PGD: variants seen among roughly 807,000 people sequenced by gnomAD.
The protein encoded by PGD is phosphogluconate dehydrogenase.
A neutral mutation model predicts 60.4 loss-of-function variants in PGD; 21 were observed. That is an observed-to-expected ratio of 0.35 (90% CI 0.25 to 0.50). PGD has a LOEUF of 0.50. Ranked by LOEUF, PGD falls within the 20% of genes least tolerant of loss-of-function variation. PGD has a pLI of 0.98. For missense variants in PGD, 477 were observed against 613.1 expected (o/e 0.78, Z 2.34); for synonymous variants, 230 against 235.9 (o/e 0.97, Z 0.23).
intron 7 of PGD, among the ~76,000 whole-genome samples, chr1:10,412,240 C>T (rs1400118086): frequency 2.0e-5 from 3 of 152,182 alleles, no homozygotes; most frequent in Admixed American, 1.3e-4. Flanking sequence ...TTCATTCACC[C>T]GCCATTTTTT....
chr1:10,418,355 C>T (rs867869911), intron 10 of PGD, among the ~76,000 whole-genome samples: 2 of 152,126 alleles, frequency 1.3e-5, no homozygotes, highest in Non-Finnish European at 2.9e-5. Context: ...ATTAAATGAG[C>T]GCTGGCAGCG....
At position 10,399,636 on chromosome 1, in the gene PGD, A is replaced by G. The variant is rs943649623; in HGVS notation, c.16A>G (p.Ile6Val). 3 of 1,613,740 alleles carry G rather than the reference A, an allele frequency of 1.9e-6. No homozygotes were observed. Among genetic ancestry groups the G allele is most frequent in the South Asian group, 1.1e-5 (1 of 91,092 alleles). The change falls in exon 2 of 13, where the codon ATC becomes GTC. Residue 6 changes from isoleucine (I) to valine (V), a missense_variant. Coordinates refer to ENST00000270776, the MANE Select transcript of PGD (RefSeq NM_002631.4). ...CTGTTTCTGCCTCTCTAGAGCTGAC[A>G]TCGCGCTGATCGGATTGGCCGTCAT... MAQAD[I>V]ALIGLAVMGQ...
At chr1:10,410,536 C>T (rs1315737671) in intron 6 of PGD, among the ~76,000 whole-genome samples, 1 of 151,990 alleles carries the variant, frequency 6.6e-6, no homozygotes, top group Non-Finnish European at 1.5e-5. Flanking sequence ...GAGAGACTGC[C>T]CAGGTCATCC....
intron 3 of PGD, among the ~76,000 whole-genome samples, chr1:10,402,774 C>T (rs990187580): frequency 7.2e-5 from 11 of 151,944 alleles, no homozygotes; most frequent in African/African-American, 2.7e-4. Flanking sequence ...CCACCCACCT[C>T]GGCCTCCCAA....
chr1:10,404,709 T>G (rs544456559), intron 5 of PGD, among the ~76,000 whole-genome samples: 1 of 152,184 alleles, frequency 6.6e-6, no homozygotes, highest in East Asian at 1.9e-4. Flanking sequence ...CATGTTACCT[T>G]GGGTGGTCTC....
Position 10,419,806 on chromosome 1 carries a change from C to T in PGD, c.*57C>T. On this transcript the variant is annotated 3_prime_UTR_variant, in exon 13 of 13. Transcript: ENST00000270776. ...ACAGACCAGGACATTCCATGTGCCT[C>T]ATGGCACTGCCACCTGGCCCTTTGC... The T allele has an allele frequency of 6.3e-7, 1 of 1,594,508 alleles. No homozygotes were observed. Among genetic ancestry groups the T allele is most frequent in the Non-Finnish European group, 8.6e-7 (1 of 1,164,836 alleles).
intron 8 of PGD, among the ~76,000 whole-genome samples, chr1:10,413,559 A>G (rs1046122322): frequency 6.6e-6 from 1 of 152,168 alleles, no homozygotes; most frequent in African/African-American, 2.4e-5. Context: ...TCAGTGATCT[A>G]AGATTTTATT....
At chr1:10,408,164 A>T in intron 6 of PGD, 24 bp downstream of exon 6, 1 of 1,410,992 alleles carries the variant, frequency 7.1e-7, no homozygotes, top group Non-Finnish European at 1.0e-6. Flanking sequence ...TACTCTTTAA[A>T]GCCAATTGGC....
chr1:10,408,242 G>A (rs1161352875), intron 6 of PGD, 102 bp downstream of exon 6: 4 of 751,098 alleles, frequency 5.3e-6, no homozygotes, highest in Non-Finnish European at 9.8e-6. Flanking sequence ...GGGTTAGCTT[G>A]GTGACATAAA....
Position 10,417,514 on chromosome 1 carries a change from G to A in PGD, c.1109+5G>A, listed in dbSNP as rs1465030893. On this transcript the variant is annotated splice_donor_5th_base_variant and intron_variant, in intron 10 of 12. Transcript: ENST00000270776. ...AGGGGGCTGCATCATTAGAAGGTAA[G>A]TGAGAGGCAGCCCAGGGTCCGACGG... 3.7e-6 allele frequency: 6 copies of A among 1,605,862 alleles called. No homozygotes were observed. The highest frequency in any genetic ancestry group is 5.1e-6 in the Non-Finnish European group (6 of 1,175,750).
At chr1:10,414,829 A>T (rs1639567669) in intron 8 of PGD, among the ~76,000 whole-genome samples, 1 of 151,368 alleles carries the variant, frequency 6.6e-6, no homozygotes, top group African/African-American at 2.4e-5. Context: ...GCGGTGGCTC[A>T]CGCCTGTAAT....
Position 10,419,962 on chromosome 1 carries a change from G to C in PGD, c.*213G>C. ...TGCCTCTTGGGACTGACCAGGAGCTGCTCATGTGCGTGAGAGTGGGAACCA... is the reference window on the plus strand; with the variant it reads ...TGCCTCTTGGGACTGACCAGGAGCTCCTCATGTGCGTGAGAGTGGGAACCA... On this transcript the variant is annotated 3_prime_UTR_variant, in exon 13 of 13. Transcript: ENST00000270776. 1 of 560,456 alleles carries C rather than the reference G, an allele frequency of 1.8e-6. No individual in the cohort carries two copies. The highest frequency in any genetic ancestry group is 3.2e-6 in the Non-Finnish European group (1 of 315,834). 34.7% of individuals were successfully genotyped at this position (560,456 alleles called of 1,614,324 possible). A position where few individuals can be genotyped will look rare whatever the true frequency, so the allele number is the denominator to read the frequency against.
rs111982342 is a variant in PGD at position 10,418,689 on chromosome 1, C to T, written c.1110-137C>T. 5.0e-5 allele frequency: 28 copies of T among 564,816 alleles called. 2 individuals carry two copies. Among genetic ancestry groups the T allele is most frequent in the East Asian group, 4.5e-4 (14 of 30,864 alleles). 35.0% of individuals were successfully genotyped at this position (564,816 alleles called of 1,614,324 possible). A position where few individuals can be genotyped will look rare whatever the true frequency, so the allele number is the denominator to read the frequency against. On this transcript the variant is annotated intron_variant, in intron 10 of 12. Transcript: ENST00000270776. ...ACTGGCGAGGCTGAGGCAGGAGAATCGCTTGAACCTGGGAGGTGGAGGTTG... is the reference window on the plus strand; with the variant it reads ...ACTGGCGAGGCTGAGGCAGGAGAATTGCTTGAACCTGGGAGGTGGAGGTTG...
chr1:10,411,164 G>A (rs1639493263), intron 6 of PGD, among the ~76,000 whole-genome samples: 1 of 152,140 alleles, frequency 6.6e-6, no homozygotes, highest in South Asian at 2.1e-4. Flanking sequence ...AGTATTGAAA[G>A]TGAATTCAGG....
chr1:10,418,976 C>T (rs1639643744), intron 11 of PGD, 51 bp downstream of exon 11: 1 of 995,496 alleles, frequency 1.0e-6, no homozygotes, highest in Non-Finnish European at 1.6e-6. Context: ...CTGGGGCCAT[C>T]AGTTGTGATG....
chr1:10,415,925 T>C (rs1639587984), intron 8 of PGD, among the ~76,000 whole-genome samples: 1 of 152,120 alleles, frequency 6.6e-6, no homozygotes, highest in African/African-American at 2.4e-5. Context: ...ATTACGGCTA[T>C]ACTGAAAACC....
At chr1:10,411,595 G>T (rs747303063) in intron 7 of PGD, 43 bp downstream of exon 7, 2 of 1,610,926 alleles carry the variant, frequency 1.2e-6, no homozygotes, top group Admixed American at 3.3e-5. Context: ...TGCAGGGAGT[G>T]CTCACTTTGC....
At chr1:10,405,453 G>GAT (rs1639386470) in intron 5 of PGD, among the ~76,000 whole-genome samples, 2 of 143,840 alleles carry the variant, frequency 1.4e-5, no homozygotes, top group Non-Finnish European at 1.5e-5. Context: ...TGGGCAATCC[G>GAT]ATATATATAT....
chr1:10,418,991 G>T (rs1317195522), intron 11 of PGD, 66 bp downstream of exon 11: 5 of 893,994 alleles, frequency 5.6e-6, no homozygotes, highest in Admixed American at 2.2e-5. Context: ...GTGATGTTTG[G>T]TTTTTTGTTT....
Sources: gnomAD v4.1 joint callset for allele counts (sites outside exome capture counted in the v4.1 genomes callset) on GRCh38, gnomAD v4.1.1 for gene constraint, MANE v1.5 for transcripts, NCBI Gene and HGNC (gene_info 2026-07-23, HGNC 2026-07-21) for gene names.